The following CCDC91 variants were observed in gnomAD, a reference collection of about 807,000 sequenced individuals.
CCDC91 encodes the protein coiled-coil domain containing 91, also known as coiled-coil domain-containing protein 91.
In CCDC91, 48 loss-of-function variants were observed where a neutral mutation model predicts 63.2. The observed-to-expected ratio is 0.76, with a 90% confidence interval of 0.60 to 0.97. The LOEUF (loss-of-function observed/expected upper bound fraction) is 0.97, where lower values mean the gene tolerates loss of function less well. CCDC91 is among the 50% of genes least tolerant of loss of function. The pLI, the probability that CCDC91 is intolerant of heterozygous loss-of-function variation, is 0.00. For synonymous variants in CCDC91, 167 were observed against 165.8 expected (o/e 1.01, Z -0.06); for missense variants, 500 against 494.6 (o/e 1.01, Z -0.10).
intron 12 of CCDC91, among the ~76,000 whole-genome samples, chr12:28,489,642 A>G (rs1249823890): frequency 6.6e-6 from 1 of 151,932 alleles, no homozygotes; most frequent in Non-Finnish European, 1.5e-5. Context: ...CAGGAAAATA[A>G]CCTTCACTTT....
intron 12 of CCDC91, among the ~76,000 whole-genome samples, chr12:28,515,011 A>T (rs73087946): frequency 0.014 from 2,143 of 151,830 alleles, 19 homozygotes; most frequent in African/African-American, 0.021. Context: ...AGACCCCTCA[A>T]CTTTTTTAAA....
At chr12:28,251,838 G>A (rs1946138055) in intron 1 of CCDC91, among the ~76,000 whole-genome samples, 1 of 152,032 alleles carries the variant, frequency 6.6e-6, no homozygotes, top group African/African-American at 2.4e-5. Context: ...TTGCTTCATA[G>A]GTATTGTGGA....
chr12:28,414,797 C>T (rs1947537320), intron 8 of CCDC91, among the ~76,000 whole-genome samples: 1 of 152,048 alleles, frequency 6.6e-6, no homozygotes, highest in Non-Finnish European at 1.5e-5. Context: ...GCACCTTAAA[C>T]AGAGAAAAGA....
chr12:28,263,591 T>C (rs1946975036), intron 3 of CCDC91, among the ~76,000 whole-genome samples: 1 of 152,088 alleles, frequency 6.6e-6, no homozygotes, highest in Admixed American at 6.6e-5. Context: ...ATCTGTTCAT[T>C]TGTTTATGGA....
intron 7 of CCDC91, among the ~76,000 whole-genome samples, chr12:28,370,469 A>G (rs1944547599): frequency 6.6e-6 from 1 of 152,180 alleles, no homozygotes; most frequent in Non-Finnish European, 1.5e-5. Flanking sequence ...TGTCCATATC[A>G]GTGTCAGCAT....
At chr12:28,221,539 C>T (rs1943950659) in intron 1 of CCDC91, among the ~76,000 whole-genome samples, 1 of 152,104 alleles carries the variant, frequency 6.6e-6, no homozygotes, top group Admixed American at 6.6e-5. Flanking sequence ...TTTGTTATGT[C>T]ACTAGCAATC....
At chr12:28,439,157 T>A (rs1949054603) in intron 8 of CCDC91, among the ~76,000 whole-genome samples, 1 of 152,184 alleles carries the variant, frequency 6.6e-6, no homozygotes, top group Non-Finnish European at 1.5e-5. Flanking sequence ...GTAATATGGC[T>A]ATTTGGTTGA....
intron 1 of CCDC91, among the ~76,000 whole-genome samples, chr12:28,254,808 G>A (rs1327648735): frequency 1.6e-5 from 2 of 121,680 alleles, no homozygotes; most frequent in Non-Finnish European, 3.4e-5. Flanking sequence ...TTTCACTCTT[G>A]TTGCCTGGGC....
At chr12:28,269,834 A>G (rs1947618234) in intron 3 of CCDC91, among the ~76,000 whole-genome samples, 1 of 152,080 alleles carries the variant, frequency 6.6e-6, no homozygotes, top group Non-Finnish European at 1.5e-5. Flanking sequence ...AATCTCCTGA[A>G]TAAATTTTAC....
chr12:28,520,422 G>GATTTT (rs1940495443), intron 12 of CCDC91, among the ~76,000 whole-genome samples: 1 of 152,058 alleles, frequency 6.6e-6, no homozygotes, highest in Non-Finnish European at 1.5e-5. Flanking sequence ...GGGGATGTTT[G>GATTTT]ATTTTTTCTT....
chr12:28,541,886 A>G (rs1406010108), intron 12 of CCDC91, among the ~76,000 whole-genome samples: 2 of 152,216 alleles, frequency 1.3e-5, no homozygotes, highest in South Asian at 2.1e-4. Flanking sequence ...GATGTGGAAC[A>G]TATTTATTAA....
At chr12:28,451,248 G>T (rs1238813906) in intron 10 of CCDC91, among the ~76,000 whole-genome samples, 3 of 151,750 alleles carry the variant, frequency 2.0e-5, no homozygotes, top group Middle Eastern at 3.4e-3. Context: ...GGCAGGGAAA[G>T]AATTCATAGA....
intron 6 of CCDC91, among the ~76,000 whole-genome samples, chr12:28,356,084 G>T (rs1157545276): frequency 6.6e-6 from 1 of 152,110 alleles, no homozygotes; most frequent in African/African-American, 2.4e-5. Context: ...GACTGGGGAT[G>T]ATTTTGAAGG....
intron 3 of CCDC91, among the ~76,000 whole-genome samples, chr12:28,294,662 G>A (rs1285368932): frequency 6.6e-6 from 1 of 151,926 alleles, no homozygotes; most frequent in African/African-American, 2.4e-5. Context: ...TCGGCTCACT[G>A]CAACCTCTAC....
intron 3 of CCDC91, among the ~76,000 whole-genome samples, chr12:28,268,436 A>T (rs994492080): frequency 2.6e-5 from 4 of 152,114 alleles, no homozygotes; most frequent in Non-Finnish European, 5.9e-5. Context: ...AACAACATGG[A>T]AGAATCTCAT....
At chr12:28,353,632 A>G in intron 6 of CCDC91, among the ~76,000 whole-genome samples, 1 of 152,100 alleles carries the variant, frequency 6.6e-6, no homozygotes, top group Non-Finnish European at 1.5e-5. Context: ...GTAGATGGGG[A>G]AATGGCTGGT....
chr12:28,450,068 A>AT, intron 8 of CCDC91, 93 bp from the exon 9 acceptor site: 1 of 714,862 alleles, frequency 1.4e-6, no homozygotes, highest in East Asian at 2.6e-5. Flanking sequence ...AACTACTTCA[A>AT]TTTTCTGGAC....
chr12:28,243,620 C>G (rs1286565718), intron 1 of CCDC91, among the ~76,000 whole-genome samples: 2 of 151,742 alleles, frequency 1.3e-5, no homozygotes, highest in Admixed American at 1.3e-4. Flanking sequence ...TGGACATATA[C>G]AGAATTCAAT....
intron 6 of CCDC91, among the ~76,000 whole-genome samples, chr12:28,318,156 C>G (rs1318467655): frequency 4.6e-5 from 7 of 151,586 alleles, no homozygotes; most frequent in South Asian, 2.1e-4. Context: ...ATTTTATCAC[C>G]TAAATATTCA....
Sources: allele counts gnomAD v4.1 joint callset (sites outside exome capture counted in the v4.1 genomes callset), GRCh38; gene constraint gnomAD v4.1.1; transcripts MANE v1.5; gene names NCBI Gene and HGNC (gene_info 2026-07-23, HGNC 2026-07-21).